SMIM23: variants seen among roughly 807,000 people sequenced by gnomAD.
The protein encoded by SMIM23 is small integral membrane protein 23, also known as CTB-78H18.1.
A neutral mutation model predicts 12.8 loss-of-function variants in SMIM23; 10 were observed. The observed-to-expected ratio is 0.78, with a 90% CI of 0.48 to 1.32. The LOEUF (loss-of-function observed/expected upper bound fraction) is 1.32. Ranked by LOEUF, SMIM23 falls within the 40% of genes most tolerant of loss-of-function variation. SMIM23 has a pLI of 0.00. For missense variants in SMIM23, 184 were observed against 198.2 expected, an observed-to-expected ratio of 0.93 and a Z score of 0.43; for synonymous variants, 78 against 80.1, an observed-to-expected ratio of 0.97 and a Z score of 0.14.
At chr5:171,775,640 A>G in the SMIM23 span, among the ~76,000 whole-genome samples, 1 of 152,076 alleles carries the variant, frequency 6.6e-6, no homozygotes, top group African/African-American at 2.4e-5. Context: ...AAGGCCCCCA[A>G]TGTCCCTTAG....
upstream of SMIM23, chr5:171,782,361 C>T (rs1755743049): frequency 6.6e-6 from 1 of 152,234 alleles, no homozygotes; most frequent in Admixed American, 6.5e-5. Context: ...TACATTAACT[C>T]CTTGTGGTAA....
chr5:171,786,576 A>G (rs927876619), intron 1 of SMIM23, among the ~76,000 whole-genome samples: 1 of 152,210 alleles, frequency 6.6e-6, no homozygotes, highest in African/African-American at 2.4e-5. Flanking sequence ...GAGAACCCTG[A>G]GCAAGGGTTT....
chr5:171,779,761 G>A (rs1305790644), upstream of SMIM23, among the ~76,000 whole-genome samples: 1 of 152,056 alleles, frequency 6.6e-6, no homozygotes, highest in East Asian at 1.9e-4. Context: ...AAGTGAGGAG[G>A]AGAAAAGGAG....
intron 1 of SMIM23, among the ~76,000 whole-genome samples, chr5:171,787,120 A>G (rs896249385): frequency 1.4e-4 from 20 of 145,614 alleles, no homozygotes; most frequent in Non-Finnish European, 2.2e-4. Flanking sequence ...CCTGGGTTCA[A>G]GTGATTCTAC....
chr5:171,774,241 T>C, the SMIM23 span: 1 of 365,098 alleles, frequency 2.7e-6, no homozygotes, highest in Non-Finnish European at 5.4e-6. Context: ...TGCAGCTCTG[T>C]CACTCTCCAC....
In SMIM23 at chr5:171,788,186, A is replaced by G. The variant is rs192932641; in HGVS notation, c.106-2044A>G. Among the ~76,000 whole-genome samples, 76 of 151,660 alleles carry G rather than the reference A, an allele frequency of 5.0e-4. 2 individuals carry two copies. The East Asian group carries it at 0.014, about 27-fold the overall frequency. On this transcript the variant is annotated intron_variant, in intron 1 of 3. Transcript: ENST00000523047. ...CACACACACACAAACACACACACAC[A>G]CACACACACACATATTTGAAAAACA...
At chr5:171,777,812 C>G (rs992482171), upstream of SMIM23, among the ~76,000 whole-genome samples, 2 of 152,128 alleles carry the variant, frequency 1.3e-5, no homozygotes, top group African/African-American at 4.8e-5. Flanking sequence ...AATCACCCAT[C>G]AGATGAGTCT....
upstream of SMIM23, among the ~76,000 whole-genome samples, chr5:171,783,585 G>T (rs1183134843): frequency 6.6e-6 from 1 of 152,104 alleles, no homozygotes; most frequent in Non-Finnish European, 1.5e-5. Flanking sequence ...GAAATGTGAA[G>T]CGTAAAGCTA....
Position 171,790,175 on chromosome 5 carries a change from C to A in SMIM23, c.106-55C>A, listed in dbSNP as rs1012232127. ...GCCCTTTGTGATGGAAGCAGGGGGA[C>A]CTGGAGAGAATTCATCCTCATGTTC... On this transcript the variant is annotated intron_variant, in intron 1 of 3. Coordinates refer to ENST00000523047, the MANE Select transcript of SMIM23 (RefSeq NM_001289970.2). 7 of 1,504,202 alleles carry A rather than the reference C, an allele frequency of 4.7e-6. No individual in the cohort carries two copies. In the South Asian group the frequency reaches 7.2e-5, roughly 15 times the overall value. 93.2% of individuals were successfully genotyped at this position (1,504,202 alleles called of 1,614,324 possible). A position where few individuals can be genotyped will look rare whatever the true frequency, so the allele number is the denominator to read the frequency against.
rs746315503 is a variant in SMIM23, at chr5:171,790,495, G to A, written c.171G>A (p.Glu57=). 14 of 1,536,630 alleles carry A rather than the reference G, an allele frequency of 9.1e-6. No homozygotes were observed. Among genetic ancestry groups the A allele is most frequent in the Middle Eastern group, 1.7e-4 (1 of 6,018 alleles). ...LSTEIWGSSW[E]VSERIRECNY... ...TGCCTGTTTCAGGAAGCAGTTGGGA[G>A]GTGTCAGAAAGGATCAGAGAATGTA... Residue 57 remains glutamate, a synonymous_variant, in exon 3 of 4, where the codon GAG becomes GAA. Transcript: ENST00000523047.
upstream of SMIM23, chr5:171,782,456 C>T (rs2113645327): frequency 6.6e-6 from 1 of 152,358 alleles, no homozygotes; most frequent in African/African-American, 2.4e-5. Flanking sequence ...CCAACAGAAA[C>T]TAACAGTGCC....
chr5:171,788,431 A>C (rs1755858332), intron 1 of SMIM23, among the ~76,000 whole-genome samples: 1 of 152,042 alleles, frequency 6.6e-6, no homozygotes, highest in South Asian at 2.1e-4. Context: ...TAGAAAGAAA[A>C]CACAAGTTAC....
chr5:171,782,862 T>C (rs141612079), upstream of SMIM23: 187 of 152,340 alleles, frequency 1.2e-3, 1 homozygote, highest in African/African-American at 4.4e-3. Context: ...ACAGAATTAA[T>C]AGCCTAGAGA....
At chr5:171,781,241 G>A (rs1755720465), upstream of SMIM23, among the ~76,000 whole-genome samples, 1 of 152,154 alleles carries the variant, frequency 6.6e-6, no homozygotes, top group African/African-American at 2.4e-5. Flanking sequence ...CTGTAAAATC[G>A]AGCTGCAGAC....
intron 1 of SMIM23, among the ~76,000 whole-genome samples, chr5:171,788,141 A>G (rs1755851362): frequency 6.7e-6 from 1 of 148,928 alleles, no homozygotes; most frequent in Admixed American, 6.7e-5. Context: ...TTTGGGGAAA[A>G]TTCAATGTCA....
the SMIM23 span, chr5:171,773,634 G>A: frequency 1.9e-5 from 7 of 360,764 alleles, no homozygotes; most frequent in East Asian, 4.7e-4. Context: ...CAACCAAATA[G>A]AGGGTAAGAC....
chr5:171,789,193 A>G (rs181903), intron 1 of SMIM23, among the ~76,000 whole-genome samples: 16,903 of 152,310 alleles, frequency 0.11, 2,867 homozygotes, highest in African/African-American at 0.37. Flanking sequence ...TCAACAAAAT[A>G]GTAGCTTATC....
chr5:171,776,648 T>C, the SMIM23 span, among the ~76,000 whole-genome samples: 7 of 152,182 alleles, frequency 4.6e-5, no homozygotes, highest in Non-Finnish European at 1.0e-4. Flanking sequence ...GTACAGAGCA[T>C]GCTTACTCCT....
At chr5:171,778,615 C>T (rs1435682295), upstream of SMIM23, among the ~76,000 whole-genome samples, 1 of 152,108 alleles carries the variant, frequency 6.6e-6, no homozygotes, top group Admixed American at 6.5e-5. Context: ...GAATGGGTTC[C>T]CCCTGAGGGA....
Sources: gnomAD v4.1 joint callset for allele counts (sites outside exome capture counted in the v4.1 genomes callset) on GRCh38, gnomAD v4.1.1 for gene constraint, MANE v1.5 for transcripts, NCBI Gene and HGNC (gene_info 2026-07-23, HGNC 2026-07-21) for gene names.